Variants in SLC14A1 observed in about 807,000 individuals in gnomAD.
SLC14A1 encodes the protein solute carrier family 14 member 1 (Kidd blood group).
A neutral mutation model predicts 39.6 loss-of-function variants in SLC14A1; 36 were observed. That is an observed-to-expected ratio of 0.91 (90% CI 0.70 to 1.20). The LOEUF (loss-of-function observed/expected upper bound fraction) is 1.20. SLC14A1 is among the 50% of genes most tolerant of loss of function. The pLI, the probability that SLC14A1 is intolerant of heterozygous loss-of-function variation, is 0.00. For synonymous variants in SLC14A1, 164 were observed against 173.6 expected (o/e 0.94, Z 0.43); for missense variants, 469 against 478.7 (o/e 0.98, Z 0.19).
chr18:45,726,227 G>A (rs1403664403), intron 2 of SLC14A1, among the ~76,000 whole-genome samples: 1 of 152,158 alleles, frequency 6.6e-6, no homozygotes, highest in Non-Finnish European at 1.5e-5. Flanking sequence ...CATGTCAGAA[G>A]TGTTTCCTAA....
Position 45,751,755 on chromosome 18 carries a change from C to A in SLC14A1, c.*1804C>A. On this transcript the variant is annotated 3_prime_UTR_variant, in exon 10 of 10. Coordinates refer to ENST00000321925, the MANE Select transcript of SLC14A1 (RefSeq NM_015865.7). ...TATGATCATGTCACTGCACTCCAGC[C>A]TGTGTGACCGAGCAAGACCCTATCT... 2 of 668,934 alleles carry A rather than the reference C, an allele frequency of 3.0e-6. No individual in the cohort carries two copies. The highest frequency in any genetic ancestry group is 3.7e-6 in the Non-Finnish European group (2 of 542,390). 41.4% of individuals were successfully genotyped at this position (668,934 alleles called of 1,614,324 possible).
chr18:45,739,525 C>G lies in SLC14A1; in HGVS notation c.812-3C>G. The G allele has an allele frequency of 6.2e-7, 1 of 1,614,168 alleles. No homozygotes were observed. The highest frequency in any genetic ancestry group is 1.3e-5 in the African/African-American group (1 of 75,046). ...TGAGTTCTGACCCCTCCTGTCTTAA[C>G]AGGACTCAGTCTTTCAGCCCCATTT... On this transcript the variant is annotated splice_polypyrimidine_tract_variant and splice_region_variant and intron_variant, in intron 7 of 9. Coordinates refer to ENST00000321925, the MANE Select transcript of SLC14A1 (RefSeq NM_015865.7).
chr18:45,742,851 T>A (rs1296995801), intron 8 of SLC14A1, among the ~76,000 whole-genome samples: 1 of 145,218 alleles, frequency 6.9e-6, no homozygotes, highest in African/African-American at 2.7e-5. Flanking sequence ...GCCCAGCTAA[T>A]TTTTTTTTGT....
Position 45,750,051 on chromosome 18 carries a change from A to G in SLC14A1, c.*100A>G. Reference sequence around the variant, plus strand: ...CAAACTGCTGTTTTTCACGAGTATCAACTTTCATACTGACGCGTCTGTAAT... The same window carrying G: ...CAAACTGCTGTTTTTCACGAGTATCGACTTTCATACTGACGCGTCTGTAAT... On this transcript the variant is annotated 3_prime_UTR_variant, in exon 10 of 10. Coordinates refer to ENST00000321925, the MANE Select transcript of SLC14A1 (RefSeq NM_015865.7). The G allele has an allele frequency of 3.7e-6, 6 of 1,609,074 alleles. No individual in the cohort carries two copies.
chr18:45,733,408 G>T (rs2047088753), intron 4 of SLC14A1, among the ~76,000 whole-genome samples: 1 of 152,158 alleles, frequency 6.6e-6, no homozygotes, highest in Non-Finnish European at 1.5e-5. Flanking sequence ...TGTGCGTTTG[G>T]AGACAACAAA....
intron 8 of SLC14A1, among the ~76,000 whole-genome samples, chr18:45,740,307 C>CTCAA (rs2047329975): frequency 6.6e-6 from 1 of 152,206 alleles, no homozygotes; most frequent in Admixed American, 6.5e-5. Context: ...GTGAGCATCA[C>CTCAA]AGTAACCCAG....
intron 9 of SLC14A1, 58 bp downstream of exon 9, chr18:45,748,483 G>A: frequency 1.3e-6 from 2 of 1,562,990 alleles, no homozygotes; most frequent in Non-Finnish European, 1.8e-6. Flanking sequence ...ACAACTATAT[G>A]GGAAATGCTC....
chr18:45,728,450 A>G (rs1198524480), intron 2 of SLC14A1, among the ~76,000 whole-genome samples: 1 of 152,112 alleles, frequency 6.6e-6, no homozygotes, highest in African/African-American at 2.4e-5. Flanking sequence ...AACTCAAGGC[A>G]TTTATCTCTT....
chr18:45,736,558 A>G lies in SLC14A1; in HGVS notation c.573A>G (p.Thr191=). Residue 191 remains threonine (T), a synonymous_variant, in exon 6 of 10, where the codon ACA becomes ACG. Coordinates refer to ENST00000321925, the MANE Select transcript of SLC14A1 (RefSeq NM_015865.7). ...NMALSMYLSA[T]GHYNPFFPAK... ...CGTTGTCAATGTACCTTTCAGCCAC[A>G]GGACATTACAATCCATTCTTTCCAG... is the stretch of plus-strand genomic sequence containing the variant. 6.2e-7 allele frequency: 1 copy of G among 1,614,158 alleles called. No individual in the cohort carries two copies. The highest frequency in any genetic ancestry group is 8.5e-7 in the Non-Finnish European group (1 of 1,179,980).
At chr18:45,748,124 T>C (rs934306838) in intron 8 of SLC14A1, among the ~76,000 whole-genome samples, 6 of 152,220 alleles carry the variant, frequency 3.9e-5, no homozygotes, top group African/African-American at 1.4e-4. Context: ...CCTTTCATCC[T>C]CACACCAACA....
intron 8 of SLC14A1, among the ~76,000 whole-genome samples, chr18:45,743,209 G>A (rs2047438107): frequency 6.6e-6 from 1 of 152,280 alleles, no homozygotes; most frequent in East Asian, 1.9e-4. Context: ...CTTCTTATAA[G>A]GATCCTTGTG....
intron 5 of SLC14A1, among the ~76,000 whole-genome samples, chr18:45,735,970 G>A (rs2047182161): frequency 6.6e-6 from 1 of 152,098 alleles, no homozygotes; most frequent in Non-Finnish European, 1.5e-5. Flanking sequence ...CACCAACTGT[G>A]ATATCATTTT....
chr18:45,743,092 A>G (rs2047434525), intron 8 of SLC14A1, among the ~76,000 whole-genome samples: 1 of 152,272 alleles, frequency 6.6e-6, no homozygotes, highest in South Asian at 2.1e-4. Flanking sequence ...TAGAAGCAGC[A>G]CAGATTTATT....
chr18:45,727,527 A>C lies in SLC14A1; in HGVS notation c.-22+2514A>C, dbSNP rs532879450. Reference sequence around the variant, plus strand: ...GGGAAGTGGGGGTTGGCTGTGAGCTAAGCCAAAGGCACAGGGATCTTGGTC... The same window carrying C: ...GGGAAGTGGGGGTTGGCTGTGAGCTCAGCCAAAGGCACAGGGATCTTGGTC... On this transcript the variant is annotated intron_variant, in intron 2 of 9. Transcript: ENST00000321925. The C allele has an allele frequency of 1.9e-5, 24 of 1,292,786 alleles. No individual in the cohort carries two copies. The African/African-American group carries it at 3.6e-4, about 19-fold the overall frequency. The allele number at this position is 1,292,786 out of a possible 1,614,324, so 80.1% of individuals were successfully genotyped here.
intron 3 of SLC14A1, among the ~76,000 whole-genome samples, chr18:45,730,725 T>G (rs572551477): frequency 3.7e-4 from 56 of 152,282 alleles, no homozygotes; most frequent in African/African-American, 1.3e-3. Flanking sequence ...AAACTTAAAT[T>G]TATTCCTTTG....
chr18:45,730,681 G>T (rs750202683), intron 3 of SLC14A1, among the ~76,000 whole-genome samples: 2 of 151,950 alleles, frequency 1.3e-5, no homozygotes, highest in Non-Finnish European at 1.5e-5. Context: ...CATATTAGAA[G>T]GCACCTGGCT....
chr18:45,731,212 T>G lies in SLC14A1; in HGVS notation c.341+8T>G. 1 of 1,613,002 alleles carries G rather than the reference T, an allele frequency of 6.2e-7. No homozygotes were observed. The highest frequency in any genetic ancestry group is 8.5e-7 in the Non-Finnish European group (1 of 1,179,836). ...CTTGCTCAGCCAGGACAGGTAGGTG[T>G]ACCCTTTCAAGCCTTCTCAGCTCCC... On this transcript the variant is annotated splice_region_variant and intron_variant, in intron 4 of 9. Coordinates refer to ENST00000321925, the MANE Select transcript of SLC14A1 (RefSeq NM_015865.7).
chr18:45,737,101 C>G (rs2047220557), intron 6 of SLC14A1, among the ~76,000 whole-genome samples: 1 of 152,202 alleles, frequency 6.6e-6, no homozygotes, highest in South Asian at 2.1e-4. Flanking sequence ...CATAGAACAT[C>G]TACAATAATT....
Position 45,749,921 on chromosome 18 carries a change from CA to C in SLC14A1, c.1142del (p.Lys381ArgfsTer25). On this transcript the variant is annotated frameshift_variant, in exon 10 of 10. Coordinates refer to ENST00000321925, the MANE Select transcript of SLC14A1 (RefSeq NM_015865.7). LOFTEE classifies it high-confidence loss of function. The stretch of plus-strand genomic sequence containing the variant: ...AAAACCGCATCTTCTACCTGCAAGC[CA>C]AGAAAAGAATGGTGGAAAGCCCTTT... ...EENRIFYLQA[K>X]KRMVESPL The C allele has an allele frequency of 6.2e-7, 1 of 1,614,126 alleles. No individual in the cohort carries two copies. The highest frequency in any genetic ancestry group is 8.5e-7 in the Non-Finnish European group (1 of 1,180,044).
Sources: allele counts gnomAD v4.1 joint callset (sites outside exome capture counted in the v4.1 genomes callset), GRCh38; gene constraint gnomAD v4.1.1; transcripts MANE v1.5; gene names NCBI Gene and HGNC (gene_info 2026-07-23, HGNC 2026-07-21).